The following DTD1 variants were observed in gnomAD, a reference collection of about 807,000 sequenced individuals.
DTD1 encodes the protein D-tyrosyl-tRNA deacylase 1 homolog.
In DTD1, 13 loss-of-function variants were observed where a neutral mutation model predicts 25.6. That is an observed-to-expected ratio of 0.51 (90% CI 0.33 to 0.81). DTD1 has a LOEUF of 0.81. Among genes scored for constraint, DTD1 ranks in the 30% least tolerant of loss-of-function variants. DTD1 has a pLI of 0.02. For synonymous variants in DTD1, 110 were observed against 103.6 expected (o/e 1.06, Z -0.37); for missense variants, 193 against 266.4 (o/e 0.72, Z 1.92).
rs547096190 is a variant in DTD1, at chr20:18,629,952, C to T, written c.477+1719C>T. Among the ~76,000 whole-genome samples the T allele has an allele frequency of 6.6e-5, 10 of 152,142 alleles. No homozygotes were observed. In the South Asian group the frequency reaches 1.2e-3, roughly 19 times the overall value. On this transcript the variant is annotated intron_variant, in intron 4 of 5. Transcript: ENST00000377452. Reference sequence around the variant, plus strand: ...CTACCCCCATGATCCAGTCACCTCCCACCAGGCCCCTCCTCCAATGCTGGG... The same window carrying T: ...CTACCCCCATGATCCAGTCACCTCCTACCAGGCCCCTCCTCCAATGCTGGG...
chr20:18,723,413 A>G (rs2061212561), intron 4 of DTD1, among the ~76,000 whole-genome samples: 2 of 152,222 alleles, frequency 1.3e-5, no homozygotes, highest in South Asian at 4.1e-4. Context: ...TAATAAGTAT[A>G]TTTCAGGAAC....
intron 4 of DTD1, among the ~76,000 whole-genome samples, chr20:18,693,812 C>T (rs2122441993): frequency 6.6e-6 from 1 of 152,244 alleles, no homozygotes; most frequent in East Asian, 1.9e-4. Context: ...AGAGTGGGCA[C>T]ATGCAGGGAC....
intron 4 of DTD1, among the ~76,000 whole-genome samples, chr20:18,704,162 G>A (rs1278687356): frequency 1.3e-5 from 2 of 152,026 alleles, no homozygotes; most frequent in Admixed American, 1.3e-4. Flanking sequence ...CACCACGCCT[G>A]GCTAATTTTT....
At chr20:18,722,222 T>C (rs2061206612) in intron 4 of DTD1, among the ~76,000 whole-genome samples, 1 of 152,350 alleles carries the variant, frequency 6.6e-6, no homozygotes, top group Middle Eastern at 3.4e-3. Flanking sequence ...GTAGATGTAA[T>C]TCGCACTGTA....
intron 4 of DTD1, among the ~76,000 whole-genome samples, chr20:18,732,795 A>T (rs185212894): frequency 6.6e-6 from 1 of 152,202 alleles, no homozygotes; most frequent in Non-Finnish European, 1.5e-5. Flanking sequence ...ACAAGATTAT[A>T]CTCAAACTTA....
intron 3 of DTD1, among the ~76,000 whole-genome samples, chr20:18,612,979 A>T (rs1455833040): frequency 3.3e-5 from 5 of 151,920 alleles, no homozygotes; most frequent in African/African-American, 1.2e-4. Flanking sequence ...ATTTTTCTGT[A>T]TTTATTGAGT....
At chr20:18,744,384 C>T (rs2061291340) in intron 5 of DTD1, 113 bp downstream of exon 5, 3 of 1,184,128 alleles carry the variant, frequency 2.5e-6, no homozygotes, top group Non-Finnish European at 3.5e-6. Context: ...TCATCCATAG[C>T]TTCCTTAAAT....
intron 4 of DTD1, among the ~76,000 whole-genome samples, chr20:18,682,684 C>G (rs1309436511): frequency 6.6e-6 from 1 of 152,208 alleles, no homozygotes; most frequent in Non-Finnish European, 1.5e-5. Flanking sequence ...CTCATCTCTA[C>G]CTTGCCATAG....
At chr20:18,617,949 A>G (rs1184797459) in intron 3 of DTD1, among the ~76,000 whole-genome samples, 1 of 152,134 alleles carries the variant, frequency 6.6e-6, no homozygotes, top group African/African-American at 2.4e-5. Context: ...GTTCTGTGGC[A>G]GGACCATAGC....
chr20:18,669,385 C>A (rs141706893), intron 4 of DTD1, among the ~76,000 whole-genome samples: 211 of 152,326 alleles, frequency 1.4e-3, no homozygotes, highest in African/African-American at 4.8e-3. Flanking sequence ...TGTGGACCTG[C>A]ATGAAACTGA....
In DTD1 at chr20:18,618,672, TACACAC is replaced by T. The variant is rs751474809; in HGVS notation, c.371-9419_371-9414del. On this transcript the variant is annotated intron_variant, in intron 3 of 5. Transcript: ENST00000377452. The stretch of plus-strand genomic sequence containing the variant: ...ATATGTGTATATATACATAATTTTA[TACACAC>T]ACACACACACACACACACACACACA... Among the ~76,000 whole-genome samples, 802 of 130,558 alleles carry T rather than the reference TACACAC, an allele frequency of 6.1e-3. 2 individuals are homozygous for T. Among genetic ancestry groups the T allele is most frequent in the African/African-American group, 0.018 (617 of 34,168 alleles). The allele number at this position is 130,558 out of a possible 152,430, so 85.7% of individuals were successfully genotyped here.
At chr20:18,739,503 A>G (rs2061268877) in intron 4 of DTD1, among the ~76,000 whole-genome samples, 1 of 152,204 alleles carries the variant, frequency 6.6e-6, no homozygotes, top group Non-Finnish European at 1.5e-5. Context: ...TAAAGCCAGC[A>G]TGGTTTGGAC....
intron 4 of DTD1, among the ~76,000 whole-genome samples, chr20:18,697,895 A>G (rs916647297): frequency 6.6e-6 from 1 of 152,220 alleles, no homozygotes; most frequent in Non-Finnish European, 1.5e-5. Context: ...TGCGTTAGCC[A>G]GGATGGTCTC....
intron 4 of DTD1, among the ~76,000 whole-genome samples, chr20:18,654,960 A>G (rs1600346531): frequency 6.6e-6 from 1 of 152,370 alleles, no homozygotes; most frequent in East Asian, 1.9e-4. Flanking sequence ...ATTATTTTAG[A>G]AAGTAATCAT....
chr20:18,687,585 G>C (rs900598072), intron 4 of DTD1, among the ~76,000 whole-genome samples: 1 of 151,886 alleles, frequency 6.6e-6, no homozygotes, highest in Non-Finnish European at 1.5e-5. Flanking sequence ...TTGAGATAAG[G>C]TTTCTGTCAC....
chr20:18,709,156 C>A (rs919111061), intron 4 of DTD1, among the ~76,000 whole-genome samples: 10 of 152,134 alleles, frequency 6.6e-5, no homozygotes, highest in African/African-American at 2.2e-4. Flanking sequence ...GAATAAGACC[C>A]TTTGAAAAGA....
chr20:18,589,389 A>G (rs550726760), intron 1 of DTD1, among the ~76,000 whole-genome samples: 512 of 26,894 alleles, frequency 0.019, 3 homozygotes, highest in African/African-American at 0.048. Flanking sequence ...AACAAAAAAC[A>G]AAACAAAACA....
intron 3 of DTD1, among the ~76,000 whole-genome samples, chr20:18,606,760 A>G (rs2060660396): frequency 2.6e-5 from 2 of 76,722 alleles, no homozygotes; most frequent in Non-Finnish European, 5.4e-5. Context: ...GGGGAATATC[A>G]CACTCTGGGG....
At chr20:18,758,815 T>C (rs1256950257) in intron 5 of DTD1, among the ~76,000 whole-genome samples, 1 of 152,230 alleles carries the variant, frequency 6.6e-6, no homozygotes, top group Non-Finnish European at 1.5e-5. Flanking sequence ...GTTCAATTCC[T>C]GTATATCCTT....
Sources: gnomAD v4.1 joint callset for allele counts (sites outside exome capture counted in the v4.1 genomes callset) on GRCh38, gnomAD v4.1.1 for gene constraint, MANE v1.5 for transcripts, NCBI Gene and HGNC (gene_info 2026-07-23, HGNC 2026-07-21) for gene names.